PTPN21: variants seen among roughly 807,000 people sequenced by gnomAD.
PTPN21 encodes the protein protein tyrosine phosphatase non-receptor type 21, also known as tyrosine-protein phosphatase non-receptor type 21.
A neutral mutation model predicts 131.8 loss-of-function variants in PTPN21; 77 were observed. That is an observed-to-expected ratio of 0.58 (90% CI 0.49 to 0.71). PTPN21 has a LOEUF of 0.71. Among genes scored for constraint, PTPN21 ranks in the 30% least tolerant of loss-of-function variants. PTPN21 has a pLI of 0.00. For synonymous variants in PTPN21, 715 were observed against 621.3 expected (o/e 1.15, Z -2.24); for missense variants, 1,552 against 1,527.1 (o/e 1.02, Z -0.27).
rs200433541 is a variant in PTPN21, at chr14:88,546,171, C to CA, written c.180+4066dup. Among the ~76,000 whole-genome samples the CA allele has an allele frequency of 7.6e-3, 1,143 of 149,990 alleles. 11 individuals are homozygous for CA. The highest frequency in any genetic ancestry group is 0.027 in the African/African-American group (1,089 of 40,134). On this transcript the variant is annotated intron_variant, in intron 2 of 18. Transcript: ENST00000556564. Reference sequence around the variant, plus strand: ...AAAATATGACAGCTAAAAATACAAACAAAAAAAATACCCATATACCCAGTG... The same window carrying CA: ...AAAATATGACAGCTAAAAATACAAACAAAAAAAAATACCCATATACCCAGTG...
At chr14:88,538,199 C>A (rs1401848404) in intron 2 of PTPN21, among the ~76,000 whole-genome samples, 1 of 152,212 alleles carries the variant, frequency 6.6e-6, no homozygotes, top group Non-Finnish European at 1.5e-5. Flanking sequence ...ACTTCTTATT[C>A]TTCAGTCACA....
intron 2 of PTPN21, among the ~76,000 whole-genome samples, chr14:88,543,231 A>G (rs2078731124): frequency 6.6e-6 from 1 of 152,180 alleles, no homozygotes; most frequent in Non-Finnish European, 1.5e-5. Context: ...CAAATCCCCT[A>G]GCGAAAAAAT....
intron 10 of PTPN21, 120 bp downstream of exon 10, chr14:88,496,293 C>T: frequency 1.2e-6 from 1 of 859,292 alleles, no homozygotes; most frequent in South Asian, 1.8e-5. Context: ...AGGAAAACAG[C>T]TATAGGATCA....
intron 3 of PTPN21, among the ~76,000 whole-genome samples, chr14:88,510,189 T>TA (rs34967756): frequency 6.6e-5 from 10 of 152,016 alleles, no homozygotes; most frequent in Non-Finnish European, 1.3e-4. Flanking sequence ...ATGTCTTATA[T>TA]AAAAAATCAC....
intron 1 of PTPN21, among the ~76,000 whole-genome samples, chr14:88,550,971 T>C (rs1249311920): frequency 1.3e-5 from 2 of 152,176 alleles, no homozygotes; most frequent in Non-Finnish European, 2.9e-5. Flanking sequence ...CTCTTTCAGG[T>C]TGTAATACTC....
At chr14:88,470,278 A>C (rs1227795273) in intron 15 of PTPN21, 1 of 541,296 alleles carries the variant, frequency 1.8e-6, no homozygotes, top group East Asian at 3.2e-5. Context: ...AATATACATA[A>C]TATCTATGCA....
At position 88,479,780 on chromosome 14, in the gene PTPN21, C is replaced by T. The variant is rs770580608; in HGVS notation, c.1651G>A (p.Asp551Asn). 23 of 1,545,276 alleles carry T rather than the reference C, an allele frequency of 1.5e-5. No homozygotes were observed. In the African/African-American group the frequency reaches 3.1e-4, roughly 21 times the overall value. Residue 551 changes from aspartate (D) to asparagine (N), a missense_variant, in exon 13 of 19, where the codon GAC becomes AAC. Physicochemically the swap from Asp to Asn is conservative, Grantham distance 23. Around this residue, in one of 4 missense-constraint regions of PTPN21, gnomAD observed 1,016 missense variants for 883.5 expected, o/e 1.15. Transcript: ENST00000556564. ...ELTNAQLQAQ[D>N]YPSPNIMRTQ... The stretch of plus-strand genomic sequence containing the variant: ...CGCATGATGTTGGGAGACGGGTAGT[C>T]CTGCGCCTGCAGCTGCGCATTGGTC...
Position 88,504,537 on chromosome 14 carries a change from C to T in PTPN21, c.517-42G>A, listed in dbSNP as rs769381740. The T allele has an allele frequency of 3.3e-6, 5 of 1,506,806 alleles. No individual in the cohort carries two copies. In the East Asian group the frequency reaches 1.1e-4, roughly 34 times the overall value. The allele number at this position is 1,506,806 out of a possible 1,614,324, so 93.3% of individuals were successfully genotyped here. Reference sequence around the variant, plus strand: ...GTGGTAAGTATGTGACAATTCACCCCAATTTCTTAGAAGGAATCATGGCCA... The same window carrying T: ...GTGGTAAGTATGTGACAATTCACCCTAATTTCTTAGAAGGAATCATGGCCA... On this transcript the variant is annotated intron_variant, in intron 5 of 18. Coordinates refer to ENST00000556564, the MANE Select transcript of PTPN21 (RefSeq NM_007039.4).
intron 2 of PTPN21, among the ~76,000 whole-genome samples, chr14:88,526,292 A>G (rs8021496): frequency 1.3e-5 from 2 of 152,224 alleles, no homozygotes; most frequent in East Asian, 1.9e-4. Flanking sequence ...GCTCACATCT[A>G]TAATCCCAGC....
intron 8 of PTPN21, among the ~76,000 whole-genome samples, chr14:88,498,703 A>C (rs1478957590): frequency 6.6e-6 from 1 of 152,224 alleles, no homozygotes; most frequent in African/African-American, 2.4e-5. Flanking sequence ...GTGTGCTCTG[A>C]AAAGCTTCAG....
chr14:88,508,151 T>TG (rs1491314006), intron 3 of PTPN21, 131 bp from the exon 4 acceptor site: 196 of 61,164 alleles, frequency 3.2e-3, no homozygotes, highest in Middle Eastern at 0.014. Flanking sequence ...GTTGTGTGTG[T>TG]TTTTTTTTTT....
chr14:88,524,094 CA>C (rs2078440354), intron 2 of PTPN21, among the ~76,000 whole-genome samples: 1 of 152,138 alleles, frequency 6.6e-6, no homozygotes, highest in South Asian at 2.1e-4. Context: ...ATCACAATCC[CA>C]ATATGCTTTT....
At position 88,554,753 on chromosome 14, in the gene PTPN21, C is replaced by T. The variant is rs1334897481; in HGVS notation, c.-305G>A. On this transcript the variant is annotated 5_prime_UTR_variant, in exon 1 of 19. Coordinates refer to ENST00000556564, the MANE Select transcript of PTPN21 (RefSeq NM_007039.4). ...GGCCGCCGCAGCCGCACCCGCACGC[C>T]AGCCCGGGCCGCGGCGCGCTCATGG... The T allele has an allele frequency of 6.7e-6, 1 of 149,338 alleles. No individual in the cohort carries two copies. The highest frequency in any genetic ancestry group is 1.5e-5 in the Non-Finnish European group (1 of 67,054). 9.3% of individuals were successfully genotyped at this position (149,338 alleles called of 1,614,324 possible).
intron 10 of PTPN21, among the ~76,000 whole-genome samples, chr14:88,495,013 CAAAAAAAAAAAA>C (rs386382090): frequency 8.1e-5 from 4 of 49,188 alleles, no homozygotes; most frequent in South Asian, 3.3e-3. Context: ...ACTCTGTCTC[CAAAAAAAAAAAA>C]AAAAAAAAAA....
At position 88,496,434 on chromosome 14, in the gene PTPN21, T is replaced by TA. The variant is rs2077918306; in HGVS notation, c.910dup (p.Tyr304LeufsTer7). 6.2e-7 allele frequency: 1 copy of TA among 1,613,706 alleles called. No homozygotes were observed. Among genetic ancestry groups the TA allele is most frequent in the South Asian group, 1.1e-5 (1 of 91,062 alleles). ...TTACAGGTTACACTGGTTTAGTCTGTAAAACTTGTGTCGCGCAACACAGAG... is the reference window on the plus strand; with the variant it reads ...TTACAGGTTACACTGGTTTAGTCTGTAAAAACTTGTGTCGCGCAACACAGAG... On this transcript the variant is annotated frameshift_variant, in exon 10 of 19. Coordinates refer to ENST00000556564, the MANE Select transcript of PTPN21 (RefSeq NM_007039.4). LOFTEE classifies it high-confidence loss of function.
chr14:88,546,575 CAAA>C (rs34657413), intron 2 of PTPN21, among the ~76,000 whole-genome samples: 8 of 100,180 alleles, frequency 8.0e-5, no homozygotes, highest in Non-Finnish European at 6.0e-5. Context: ...AACTCCATCT[CAAA>C]AAAAAAAAAA....
At chr14:88,543,899 C>T (rs577045080) in intron 2 of PTPN21, among the ~76,000 whole-genome samples, 4 of 152,034 alleles carry the variant, frequency 2.6e-5, no homozygotes, top group African/African-American at 9.7e-5. Context: ...ACAATAAAGA[C>T]GCCCCAGCAT....
intron 12 of PTPN21, among the ~76,000 whole-genome samples, chr14:88,482,714 T>C (rs73314171): frequency 0.037 from 5,573 of 151,554 alleles, 347 homozygotes; most frequent in African/African-American, 0.13. Flanking sequence ...CCTGCAGAGC[T>C]CACCAAACAA....
rs111807203 is a variant in PTPN21, at chr14:88,497,186, C to A, written c.852+17G>T. The stretch of plus-strand genomic sequence containing the variant: ...TTTAGGAAAAACATTCCATGCAGAC[C>A]CCTAATGTTTACTCACAGTTTGAAA... On this transcript the variant is annotated intron_variant, in intron 9 of 18. Transcript: ENST00000556564. The A allele has an allele frequency of 7.0e-4, 1,095 of 1,564,228 alleles. 6 individuals carry two copies. The African/African-American group carries it at 0.012, about 18-fold the overall frequency.
Sources: allele counts gnomAD v4.1 joint callset (sites outside exome capture counted in the v4.1 genomes callset), GRCh38; gene constraint gnomAD v4.1.1; regional missense constraint gnomAD v4.1.1; transcripts MANE v1.5; gene names NCBI Gene and HGNC (gene_info 2026-07-23, HGNC 2026-07-21).